Variants in RBM12 observed in about 807,000 individuals in gnomAD.
RBM12 encodes RNA binding motif protein 12.
Under a neutral mutation model 37.2 loss-of-function variants are expected in RBM12, and 24 were observed. The ratio of observed to expected loss-of-function variants is 0.65; its 90% CI spans 0.47 to 0.91. The LOEUF (loss-of-function observed/expected upper bound fraction) is 0.91. RBM12 is among the 40% of genes least tolerant of loss of function. The probability of loss-of-function intolerance (pLI) is 0.00; values close to 1 mark genes in which losing one functional copy is unlikely to be tolerated. For missense variants in RBM12, 1,061 were observed against 1,183.2 expected (o/e 0.90, Z 1.52); for synonymous variants, 420 against 425.2 (o/e 0.99, Z 0.15).
chr20:35,655,147 C>T lies in RBM12; in HGVS notation c.176G>A (p.Arg59His), dbSNP rs750472475. 40 of 1,614,020 alleles carry T rather than the reference C, an allele frequency of 2.5e-5. No homozygotes were observed. The highest frequency in any genetic ancestry group is 2.3e-4 in the Admixed American group (14 of 60,000). The change falls in exon 3 of 3, where the codon CGC becomes CAC. Residue 59 changes from arginine (R) to histidine (H), a missense_variant. Transcript: ENST00000374114. ...TGACCCTTTAATTGTACCACCTGTG[C>T]GCATCATACCAAGCCTTGCATCTTC... ...TDEDARLGMM[R>H]TGGTIKGSKV...
At chr20:35,664,156 C>T (rs1261793242) in intron 1 of RBM12, among the ~76,000 whole-genome samples, 1 of 152,166 alleles carries the variant, frequency 6.6e-6, no homozygotes, top group Admixed American at 6.5e-5. Context: ...CAATGGACCT[C>T]GGAGGCATTT....
At chr20:35,660,138 A>C (rs1247059488) in intron 1 of RBM12, among the ~76,000 whole-genome samples, 1 of 152,260 alleles carries the variant, frequency 6.6e-6, no homozygotes, top group African/African-American at 2.4e-5. Context: ...GCAAATATGT[A>C]ATCAACACAA....
chr20:35,652,454 T>C lies in RBM12; in HGVS notation c.*70A>G, dbSNP rs1280510621. ...TCCACAGGTTCTAACCTGGAAATAC[T>C]AGGAAAACAATCTGGATGCATTAAT... On this transcript the variant is annotated 3_prime_UTR_variant, in exon 3 of 3. Coordinates refer to ENST00000374114, the MANE Select transcript of RBM12 (RefSeq NM_006047.6). 4.0e-6 allele frequency: 6 copies of C among 1,503,924 alleles called. No homozygotes were observed. The highest frequency in any genetic ancestry group is 2.1e-5 in the Admixed American group (1 of 46,664). The allele number at this position is 1,503,924 out of a possible 1,614,324, so 93.2% of individuals were successfully genotyped here.
Position 35,653,009 on chromosome 20 carries a change from A to C in RBM12, c.2314T>G (p.Phe772Val). 1 of 1,613,842 alleles carries C rather than the reference A, an allele frequency of 6.2e-7. No homozygotes were observed. The highest frequency in any genetic ancestry group is 8.5e-7 in the Non-Finnish European group (1 of 1,180,032). ...LPGLGLDVPG[F>V]GGGPNNLSGP... ...CTTAAATTGTTTGGTCCACCTCCAA[A>C]ACCCGGAACATCCAGTCCTAGACCA... The change falls in exon 3 of 3, where the codon TTT (phenylalanine) becomes GTT (valine). Residue 772 changes from phenylalanine (F) to valine (V), a missense_variant. Phe to Val is a conservative substitution (Grantham distance 50, BLOSUM62 -1). Coordinates refer to ENST00000374114, the MANE Select transcript of RBM12 (RefSeq NM_006047.6).
chr20:35,653,021 C>G lies in RBM12; in HGVS notation c.2302G>C (p.Asp768His). 2 of 1,613,868 alleles carry G rather than the reference C, an allele frequency of 1.2e-6. No individual in the cohort carries two copies. The highest frequency in any genetic ancestry group is 1.7e-6 in the Non-Finnish European group (2 of 1,180,044). The change falls in exon 3 of 3, where the codon GAT becomes CAT. Residue 768 changes from aspartate (D) to histidine (H), a missense_variant. By Grantham distance (81) the Asp-to-His change is moderately conservative (BLOSUM62 -1). Around this residue, in one of 3 missense-constraint regions of RBM12, gnomAD observed 517 missense variants for 534.0 expected, o/e 0.97. Coordinates refer to ENST00000374114, the MANE Select transcript of RBM12 (RefSeq NM_006047.6). Reference sequence around the variant, plus strand: ...GGTCCACCTCCAAAACCCGGAACATCCAGTCCTAGACCAGGCAAACCACTG... The same window carrying G: ...GGTCCACCTCCAAAACCCGGAACATGCAGTCCTAGACCAGGCAAACCACTG... ...GNSGLPGLGL[D>H]VPGFGGGPNN... is the part of the protein sequence containing the mutation.
In RBM12 at chr20:35,652,846, C is replaced by A. The variant is rs773765305; in HGVS notation, c.2477G>T (p.Gly826Val). Residue 826 changes from glycine (G) to valine (V), a missense_variant, in exon 3 of 3, where the codon GGG becomes GTG. Gly to Val is a moderately radical substitution (Grantham distance 109). Transcript: ENST00000374114. ...GCCGGGGCCGGGGCCGGGGCCAGGC[C>A]CAAAAGCTGGTGGCCCACCCAAATG... ...PGHLGGPPAFGPGPGPGPGPG... is the reference protein window; with the variant it reads ...PGHLGGPPAFVPGPGPGPGPG... 1.2e-6 allele frequency: 2 copies of A among 1,610,092 alleles called. No individual in the cohort carries two copies. The highest frequency in any genetic ancestry group is 1.3e-5 in the African/African-American group (1 of 74,822).
At chr20:35,655,965 T>C (rs886998967) in intron 2 of RBM12, among the ~76,000 whole-genome samples, 1 of 152,186 alleles carries the variant, frequency 6.6e-6, no homozygotes, top group South Asian at 2.1e-4. Context: ...CAATCTGCCT[T>C]GTACATTACA....
chr20:35,653,461 A>G lies in RBM12; in HGVS notation c.1862T>C (p.Leu621Pro). The change falls in exon 3 of 3, where the codon CTA becomes CCA. Residue 621 changes from leucine (L) to proline (P), a missense_variant. Leu to Pro is a moderately conservative substitution (Grantham distance 98). This residue lies in a region of RBM12 where 517 missense variants were observed against 534.0 expected (regional missense o/e 0.97). Coordinates refer to ENST00000374114, the MANE Select transcript of RBM12 (RefSeq NM_006047.6). ...GREAFVHVVTLEDMREIEKNP... is the reference protein window; with the variant it reads ...GREAFVHVVTPEDMREIEKNP... Reference sequence around the variant, plus strand: ...TTTCTCAATCTCTCTCATATCTTCTAGGGTAACTACATGAACAAAAGCTTC... The same window carrying G: ...TTTCTCAATCTCTCTCATATCTTCTGGGGTAACTACATGAACAAAAGCTTC... 6.2e-7 allele frequency: 1 copy of G among 1,614,144 alleles called. No homozygotes were observed. The highest frequency in any genetic ancestry group is 1.1e-5 in the South Asian group (1 of 91,084).
chr20:35,657,960 G>A (rs1255601585), intron 2 of RBM12, among the ~76,000 whole-genome samples: 2 of 152,024 alleles, frequency 1.3e-5, no homozygotes, highest in Non-Finnish European at 2.9e-5. Context: ...TACTAGGGAG[G>A]CTGAGGCAGA....
At chr20:35,656,298 A>ACTC (rs2033893109) in intron 2 of RBM12, among the ~76,000 whole-genome samples, 1 of 152,038 alleles carries the variant, frequency 6.6e-6, no homozygotes, top group Admixed American at 6.6e-5. Flanking sequence ...GACCTACACA[A>ACTC]CTCCTACAGG....
rs1601493233 is a variant in RBM12 at position 35,659,693 on chromosome 20, C to A, written c.-107-679G>T. On this transcript the variant is annotated intron_variant, in intron 1 of 2. Transcript: ENST00000374114. ...TAAAATAAAATAAAATTTAAAAACA[C>A]CCTAAAAATGCCTGACATATTAAGA... Among the ~76,000 whole-genome samples the A allele has an allele frequency of 9.2e-5, 14 of 152,130 alleles. No homozygotes were observed. In the South Asian group the frequency reaches 2.9e-3, roughly 32 times the overall value.
intron 1 of RBM12, among the ~76,000 whole-genome samples, chr20:35,662,765 C>G (rs972125328): frequency 1.4e-4 from 21 of 152,194 alleles, no homozygotes; most frequent in African/African-American, 4.8e-4. Flanking sequence ...ACTGTACTAA[C>G]AACTCCCAAA....
chr20:35,662,806 C>T (rs768821654), intron 1 of RBM12, among the ~76,000 whole-genome samples: 3 of 152,122 alleles, frequency 2.0e-5, no homozygotes, highest in Non-Finnish European at 4.4e-5. Context: ...AAACATTTGA[C>T]GTGTCAAAGA....
Position 35,653,421 on chromosome 20 carries a change from T to C in RBM12, c.1902A>G (p.Gln634=), listed in dbSNP as rs1349002189. The C allele has an allele frequency of 6.2e-7, 1 of 1,613,972 alleles. No homozygotes were observed. Among genetic ancestry groups the C allele is most frequent in the East Asian group, 2.2e-5 (1 of 44,902 alleles). The change falls in exon 3 of 3, where the codon CAA becomes CAG. Residue 634 remains glutamine (Q), a synonymous_variant. Transcript: ENST00000374114. ...MREIEKNPPA[Q]GKKGLKMPVP... is the part of the protein sequence containing the mutation. ...CAGGCATCTTTAATCCCTTTTTTCCTTGGGCAGGGGGATTTTTCTCAATCT... is the reference window on the plus strand; with the variant it reads ...CAGGCATCTTTAATCCCTTTTTTCCCTGGGCAGGGGGATTTTTCTCAATCT...
rs1331764185 is a variant in RBM12 at position 35,650,504 on chromosome 20, TTG to T, written c.*2018_*2019del. ...TCAAGCAGTGCTGAAGTTTTTTGCA[TTG>T]TCTTTGGAATGAGAAATGATTACTT... is the stretch of plus-strand genomic sequence containing the variant. On this transcript the variant is annotated 3_prime_UTR_variant, in exon 3 of 3. Coordinates refer to ENST00000374114, the MANE Select transcript of RBM12 (RefSeq NM_006047.6). The T allele has an allele frequency of 6.6e-6, 1 of 152,646 alleles. No homozygotes were observed. The highest frequency in any genetic ancestry group is 1.5e-5 in the Non-Finnish European group (1 of 68,018). The allele number at this position is 152,646 out of a possible 1,614,324, so 9.5% of individuals were successfully genotyped here.
In RBM12 at chr20:35,651,355, G is replaced by A. The variant is rs527750337; in HGVS notation, c.*1169C>T. On this transcript the variant is annotated 3_prime_UTR_variant, in exon 3 of 3. Transcript: ENST00000374114. ...TCAAGAATCTCAATTTTCTCCTCTG[G>A]CGGCTGCACTTGTACTCTGTATGAA... is the stretch of plus-strand genomic sequence containing the variant. The A allele has an allele frequency of 6.6e-6, 1 of 152,270 alleles. No individual in the cohort carries two copies. The highest frequency in any genetic ancestry group is 1.9e-4 in the East Asian group (1 of 5,188). 9.4% of individuals were successfully genotyped at this position (152,270 alleles called of 1,614,324 possible).
intron 2 of RBM12, among the ~76,000 whole-genome samples, chr20:35,658,653 C>T (rs2034045883): frequency 6.6e-6 from 1 of 151,928 alleles, no homozygotes; most frequent in African/African-American, 2.4e-5. Flanking sequence ...CCCAGCTATT[C>T]GGGAGGCTGA....
Position 35,650,712 on chromosome 20 carries a change from C to G in RBM12, c.*1812G>C, listed in dbSNP as rs2033446258. ...AAACAAAAATCCTGTACTGTCAATC[C>G]TCTAAGATTGTAGTGATAAAAAGCC... On this transcript the variant is annotated 3_prime_UTR_variant, in exon 3 of 3. Transcript: ENST00000374114. 6.6e-6 allele frequency: 1 copy of G among 152,574 alleles called. No individual in the cohort carries two copies. The highest frequency in any genetic ancestry group is 1.5e-5 in the Non-Finnish European group (1 of 68,014). The allele number at this position is 152,574 out of a possible 1,614,324, so 9.5% of individuals were successfully genotyped here.
At position 35,649,393 on chromosome 20, in the gene RBM12, T is replaced by TTTA. The variant is rs2033343942; in HGVS notation, c.*3130_*3131insTAA. 3 of 152,252 alleles carry TTTA rather than the reference T, an allele frequency of 2.0e-5. No individual in the cohort carries two copies. The highest frequency in any genetic ancestry group is 7.2e-5 in the African/African-American group (3 of 41,452). The allele number at this position is 152,252 out of a possible 1,614,324, so 9.4% of individuals were successfully genotyped here. A position where few individuals can be genotyped will look rare whatever the true frequency, so the allele number is the denominator to read the frequency against. ...TGACTATTTCCACCTAAAAATGTAATGTTTGCTTACTTCCATACAGTCCTA... is the reference window on the plus strand; with the variant it reads ...TGACTATTTCCACCTAAAAATGTAATTTAGTTTGCTTACTTCCATACAGTCCTA... On this transcript the variant is annotated 3_prime_UTR_variant, in exon 3 of 3. Coordinates refer to ENST00000374114, the MANE Select transcript of RBM12 (RefSeq NM_006047.6).
Sources: gnomAD v4.1 joint callset for allele counts (sites outside exome capture counted in the v4.1 genomes callset) on GRCh38, gnomAD v4.1.1 for gene constraint, gnomAD v4.1.1 regional missense constraint, MANE v1.5 for transcripts, NCBI Gene and HGNC (gene_info 2026-07-23, HGNC 2026-07-21) for gene names.